Variants in CYP4F2 observed in about 807,000 individuals in gnomAD.
CYP4F2 encodes cytochrome P450 4F2.
In CYP4F2, 58 loss-of-function variants were observed where a neutral mutation model predicts 58.9. That is an observed-to-expected ratio of 0.98 (90% CI 0.80 to 1.23). The LOEUF (loss-of-function observed/expected upper bound fraction) is 1.23. Ranked by LOEUF, CYP4F2 falls within the 50% of genes most tolerant of loss-of-function variation. The pLI is 0.00. For missense variants in CYP4F2, 616 were observed against 685.6 expected (o/e 0.90, Z 1.13); for synonymous variants, 287 against 261.1 (o/e 1.10, Z -0.95).
In CYP4F2 at chr19:15,890,376, T is replaced by G; in HGVS notation, c.583A>C (p.Ile195Leu). ...GSACLDMFEHISLMTLDSLQK... is the reference protein window; with the variant it reads ...GSACLDMFEHLSLMTLDSLQK... Reference sequence around the variant, plus strand: ...AGACTGTCCAAGGTCATGAGGCTGATGTGCTCAAACATATCCAAACAGGCA... The same window carrying G: ...AGACTGTCCAAGGTCATGAGGCTGAGGTGCTCAAACATATCCAAACAGGCA... Residue 195 changes from isoleucine to leucine, a missense_variant, in exon 6 of 13, where the codon ATC becomes CTC. Physicochemically the swap from Ile to Leu is conservative, Grantham distance 5 (BLOSUM62 2). Coordinates refer to ENST00000221700, the MANE Select transcript of CYP4F2 (RefSeq NM_001082.5). 6.2e-7 allele frequency: 1 copy of G among 1,614,174 alleles called. No homozygotes were observed. The highest frequency in any genetic ancestry group is 8.5e-7 in the Non-Finnish European group (1 of 1,180,018).
At chr19:15,893,900 G>T (rs1275736157) in intron 3 of CYP4F2, 4 of 258,840 alleles carry the variant, frequency 1.5e-5, no homozygotes, top group Admixed American at 8.1e-5. Context: ...AAACACACAG[G>T]ACCCAATTCA....
At position 15,897,625 on chromosome 19, in the gene CYP4F2, C is replaced by T. The variant is rs201641652; in HGVS notation, c.-1-13G>A. 149 of 1,612,302 alleles carry T rather than the reference C, an allele frequency of 9.2e-5. No homozygotes were observed. In the African/African-American group the frequency reaches 1.6e-3, roughly 17 times the overall value. ...CAGCTGGGACATCCTGCAGGGCAGA[C>T]GGGATGGACGGTGAGATCCTGAGGC... is the stretch of plus-strand genomic sequence containing the variant. On this transcript the variant is annotated splice_polypyrimidine_tract_variant and intron_variant, in intron 1 of 12. Transcript: ENST00000221700.
intron 9 of CYP4F2, among the ~76,000 whole-genome samples, chr19:15,885,623 T>C (rs3093165): frequency 2.6e-5 from 4 of 151,402 alleles, no homozygotes; most frequent in African/African-American, 9.7e-5. Context: ...AAATGATATT[T>C]CTGGGAGGAA....
intron 5 of CYP4F2, among the ~76,000 whole-genome samples, chr19:15,890,640 G>T (rs1294370948): frequency 6.6e-6 from 1 of 152,158 alleles, no homozygotes; most frequent in East Asian, 1.9e-4. Flanking sequence ...GGAGAACTAG[G>T]TTCAAGTTCC....
At chr19:15,885,415 G>A (rs1032812640) in intron 9 of CYP4F2, among the ~76,000 whole-genome samples, 1 of 152,168 alleles carries the variant, frequency 6.6e-6, no homozygotes, top group Non-Finnish European at 1.5e-5. Context: ...GAAAGATGCT[G>A]TGCACAGATG....
At chr19:15,889,154 G>C (rs1310600271) in intron 7 of CYP4F2, among the ~76,000 whole-genome samples, 3 of 152,226 alleles carry the variant, frequency 2.0e-5, no homozygotes, top group Non-Finnish European at 4.4e-5. Context: ...CATAGATATA[G>C]ATGTAGATGT....
intron 12 of CYP4F2, 118 bp downstream of exon 12, chr19:15,879,228 G>A (rs1018785268): frequency 2.8e-6 from 4 of 1,408,966 alleles, no homozygotes; most frequent in Admixed American, 2.0e-5. Context: ...CTCCAGAGGA[G>A]GTGAGGGAAA....
chr19:15,890,220 G>A, intron 6 of CYP4F2, 92 bp downstream of exon 6: 3 of 1,599,122 alleles, frequency 1.9e-6, no homozygotes, highest in Non-Finnish European at 2.6e-6. Flanking sequence ...CCTCCAGGAA[G>A]GTTTGTCTGG....
In CYP4F2 at chr19:15,878,292, T is replaced by C. The variant is rs1489385427; in HGVS notation, c.*479A>G. On this transcript the variant is annotated 3_prime_UTR_variant, in exon 13 of 13. Transcript: ENST00000221700. ...AAACCCCATACTGATTAGCAGTCGC[T>C]CCTCAGTCCCACCTCCCCACAGCTG... The C allele has an allele frequency of 6.4e-6, 1 of 155,832 alleles. No individual in the cohort carries two copies. The highest frequency in any genetic ancestry group is 6.3e-5 in the Admixed American group (1 of 15,876). The allele number at this position is 155,832 out of a possible 1,614,324, so 9.7% of individuals were successfully genotyped here. A position where few individuals can be genotyped will look rare whatever the true frequency, so the allele number is the denominator to read the frequency against.
chr19:15,894,186 C>T (rs1355492732), intron 3 of CYP4F2, among the ~76,000 whole-genome samples: 1 of 152,218 alleles, frequency 6.6e-6, no homozygotes, highest in Non-Finnish European at 1.5e-5. Flanking sequence ...CCCACAGTCC[C>T]AGACCACGGC....
At position 15,879,584 on chromosome 19, in the gene CYP4F2, C is replaced by T. The variant is rs746078978; in HGVS notation, c.1314+20G>A. 9 of 1,613,762 alleles carry T rather than the reference C, an allele frequency of 5.6e-6. No individual in the cohort carries two copies. The East Asian group carries it at 1.8e-4, about 32-fold the overall frequency. The stretch of plus-strand genomic sequence containing the variant: ...CTAGGAGCCTTGGAATGGACAAAAA[C>T]AGAGAGAGGGGCCCCGCACCTCAGG... On this transcript the variant is annotated intron_variant, in intron 11 of 12. Coordinates refer to ENST00000221700, the MANE Select transcript of CYP4F2 (RefSeq NM_001082.5).
At chr19:15,896,264 A>ATCTG (rs1225480080) in intron 2 of CYP4F2, among the ~76,000 whole-genome samples, 3 of 151,408 alleles carry the variant, frequency 2.0e-5, no homozygotes, top group African/African-American at 7.3e-5. Context: ...CTATCTATCT[A>ATCTG]TCTATCTATC....
chr19:15,890,417 A>C lies in CYP4F2; in HGVS notation c.542T>G (p.Leu181Arg). 1.2e-6 allele frequency: 2 copies of C among 1,614,056 alleles called. No homozygotes were observed. The highest frequency in any genetic ancestry group is 1.7e-6 in the Non-Finnish European group (2 of 1,179,970). Residue 181 changes from leucine (L) to arginine (R), a missense_variant, in exon 6 of 13, where the codon CTG becomes CGG. By Grantham distance (102) the Leu-to-Arg change is moderately radical. Transcript: ENST00000221700. The part of the protein sequence containing the change: ...VNIMHAKWQL[L>R]ASEGSACLDM... ...CAAACAGGCACTACCCTCTGAGGCCAGGAGCTGCCACTTGGCCTAGCCAGA... is the reference window on the plus strand; with the variant it reads ...CAAACAGGCACTACCCTCTGAGGCCCGGAGCTGCCACTTGGCCTAGCCAGA...
At chr19:15,890,504 C>T (rs1167783347) in intron 5 of CYP4F2, 71 bp from the exon 6 acceptor site, 2 of 1,587,228 alleles carry the variant, frequency 1.3e-6, no homozygotes, top group Non-Finnish European at 1.7e-6. Context: ...CCCCAACTGC[C>T]AAGATGGGCT....
chr19:15,879,290 G>A lies in CYP4F2; in HGVS notation c.1397+56C>T. 7.5e-6 allele frequency: 12 copies of A among 1,590,150 alleles called. No individual in the cohort carries two copies. The Middle Eastern group carries it at 1.3e-3, about 178-fold the overall frequency. ...ATGTCCCCCTTTTCCCCACTGTCAT[G>A]CCCAGACCCCTGCACCCATCAACCC... On this transcript the variant is annotated intron_variant, in intron 12 of 12. Coordinates refer to ENST00000221700, the MANE Select transcript of CYP4F2 (RefSeq NM_001082.5).
chr19:15,889,270 C>T (rs2089400954), intron 7 of CYP4F2, among the ~76,000 whole-genome samples, 153 bp downstream of exon 7: 1 of 152,204 alleles, frequency 6.6e-6, no homozygotes, highest in African/African-American at 2.4e-5. Flanking sequence ...ACTCCACAGT[C>T]ATCTCTAAAA....
At chr19:15,884,724 C>T (rs979580269) in intron 9 of CYP4F2, among the ~76,000 whole-genome samples, 14 of 152,272 alleles carry the variant, frequency 9.2e-5, no homozygotes, top group South Asian at 2.1e-4. Context: ...AAGGTGTGGA[C>T]GAGAGGACAC....
At chr19:15,891,194 G>A (rs777783261) in intron 5 of CYP4F2, among the ~76,000 whole-genome samples, 26 of 152,240 alleles carry the variant, frequency 1.7e-4, no homozygotes, top group Middle Eastern at 3.4e-3. Flanking sequence ...TAGACATGTT[G>A]CTTTTGCTTT....
rs185924633 is a variant in CYP4F2, at chr19:15,886,373, G to T, written c.919-65C>A. 1.4e-4 allele frequency: 219 copies of T among 1,583,044 alleles called. No individual in the cohort carries two copies. The African/African-American group carries it at 2.5e-3, about 18-fold the overall frequency. On this transcript the variant is annotated intron_variant, in intron 7 of 12. Transcript: ENST00000221700. ...ATAAAAAGTCACACTAGCTCTAAGG[G>T]CTCTTGAGTCTAATCTGAGACAGTC...
Sources: allele counts gnomAD v4.1 joint callset (sites outside exome capture counted in the v4.1 genomes callset), GRCh38; gene constraint gnomAD v4.1.1; transcripts MANE v1.5; gene names NCBI Gene and HGNC (gene_info 2026-07-23, HGNC 2026-07-21).